CTNNA2: variants seen among roughly 807,000 people sequenced by gnomAD.
The protein encoded by CTNNA2 is catenin alpha-2.
CTNNA2 carries 42 observed loss-of-function variants against 101.0 expected under a neutral mutation model. The observed-to-expected ratio is 0.42, with a 90% CI of 0.32 to 0.54. The LOEUF (loss-of-function observed/expected upper bound fraction) is 0.54, where lower values mean the gene tolerates loss of function less well. Ranked by LOEUF, CTNNA2 falls within the 20% of genes least tolerant of loss-of-function variation. The pLI, the probability that CTNNA2 is intolerant of heterozygous loss-of-function variation, is 0.14. For synonymous variants in CTNNA2, 450 were observed against 456.4 expected, an observed-to-expected ratio of 0.99 and a Z score of 0.18; for missense variants, 871 against 1,223.1, an observed-to-expected ratio of 0.71 and a Z score of 4.29.
At chr2:80,285,100 G>A (rs1674653785) in intron 7 of CTNNA2, among the ~76,000 whole-genome samples, 1 of 152,026 alleles carries the variant, frequency 6.6e-6, no homozygotes, top group Non-Finnish European at 1.5e-5. Flanking sequence ...CCAAGTAGAT[G>A]TCCGTCCAGC....
chr2:79,780,994 G>C (rs532840343), intron 3 of CTNNA2, among the ~76,000 whole-genome samples: 1 of 152,268 alleles, frequency 6.6e-6, no homozygotes, highest in Non-Finnish European at 1.5e-5. Flanking sequence ...GAGGGTTCTT[G>C]GATCTCATGC....
chr2:80,618,942 C>A, intron 17 of CTNNA2, 143 bp from the exon 18 acceptor site: 1 of 479,030 alleles, frequency 2.1e-6, no homozygotes, highest in Non-Finnish European at 3.6e-6. Flanking sequence ...TCTCTTTCAG[C>A]ACGTAATTCC....
chr2:79,526,795 G>T (rs1265990418), intron 1 of CTNNA2, among the ~76,000 whole-genome samples: 1 of 151,978 alleles, frequency 6.6e-6, no homozygotes, highest in South Asian at 2.1e-4. Flanking sequence ...AGATGAATTT[G>T]GACCGCTTTC....
At chr2:79,204,013 G>A (rs17016546) in intron 2 of CTNNA2, among the ~76,000 whole-genome samples, 3,716 of 152,310 alleles carry the variant, frequency 0.024, 116 homozygotes, top group African/African-American at 0.078. Context: ...TGTAGGAACA[G>A]ATGATATTAA....
At chr2:80,095,363 A>C (rs2148827612) in intron 7 of CTNNA2, among the ~76,000 whole-genome samples, 1 of 152,298 alleles carries the variant, frequency 6.6e-6, no homozygotes, top group East Asian at 1.9e-4. Context: ...CCACTTGATC[A>C]TGGTGGATAA....
At chr2:80,161,083 C>T (rs932632336) in intron 7 of CTNNA2, among the ~76,000 whole-genome samples, 5 of 152,194 alleles carry the variant, frequency 3.3e-5, no homozygotes, top group Admixed American at 6.5e-5. Context: ...CTCTCTCTGT[C>T]GCAAAGACTG....
At chr2:79,798,992 G>A (rs1490166016) in intron 3 of CTNNA2, among the ~76,000 whole-genome samples, 2 of 152,104 alleles carry the variant, frequency 1.3e-5, no homozygotes, top group African/African-American at 2.4e-5. Flanking sequence ...GAAGAAAAGA[G>A]GATAAATTAT....
chr2:79,432,654 A>G (rs1486243655), intron 4 of CTNNA2, among the ~76,000 whole-genome samples: 3 of 152,176 alleles, frequency 2.0e-5, no homozygotes, highest in African/African-American at 7.2e-5. Flanking sequence ...ACATTTAAAG[A>G]TCAACTACCC....
At chr2:80,485,101 C>T (rs1686464701) in intron 9 of CTNNA2, among the ~76,000 whole-genome samples, 1 of 152,016 alleles carries the variant, frequency 6.6e-6, no homozygotes, top group Non-Finnish European at 1.5e-5. Context: ...TGTAAGTGTA[C>T]GTGTGTGTTG....
intron 7 of CTNNA2, among the ~76,000 whole-genome samples, chr2:80,014,862 T>C (rs1165701391): frequency 1.3e-5 from 2 of 152,248 alleles, no homozygotes; most frequent in Non-Finnish European, 2.9e-5. Context: ...AGCCAATGTG[T>C]ACATTCTTTT....
chr2:80,495,967 A>AAAAAAAAAAAAAAG (rs1236115589), intron 9 of CTNNA2, among the ~76,000 whole-genome samples: 1 of 139,070 alleles, frequency 7.2e-6, no homozygotes, highest in African/African-American at 2.8e-5. Flanking sequence ...AAAAAAAAAA[A>AAAAAAAAAAAAAAG]GGTGGCCATT....
At chr2:79,447,128 G>T (rs573493296) in intron 4 of CTNNA2, among the ~76,000 whole-genome samples, 3 of 152,046 alleles carry the variant, frequency 2.0e-5, no homozygotes, top group African/African-American at 4.8e-5. Flanking sequence ...TAGGAGCCCC[G>T]GGTGTGTGTC....
intron 3 of CTNNA2, among the ~76,000 whole-genome samples, chr2:79,852,748 C>A (rs1379751229): frequency 6.6e-6 from 1 of 152,048 alleles, no homozygotes; most frequent in Non-Finnish European, 1.5e-5. Context: ...CACACCACCA[C>A]GCCTAGCTAA....
chr2:80,060,306 A>C (rs1697493193), intron 7 of CTNNA2, among the ~76,000 whole-genome samples: 1 of 152,200 alleles, frequency 6.6e-6, no homozygotes, highest in African/African-American at 2.4e-5. Flanking sequence ...TAGATGGCTA[A>C]AGGCGGACAC....
At chr2:79,587,675 C>T (rs1474082427) in intron 1 of CTNNA2, among the ~76,000 whole-genome samples, 1 of 152,154 alleles carries the variant, frequency 6.6e-6, no homozygotes, top group African/African-American at 2.4e-5. Flanking sequence ...TTGCTTTCTA[C>T]ATCATGGCTC....
chr2:80,246,367 A>G (rs1671331795), intron 7 of CTNNA2, among the ~76,000 whole-genome samples: 1 of 152,208 alleles, frequency 6.6e-6, no homozygotes, highest in African/African-American at 2.4e-5. Flanking sequence ...TGCACATACA[A>G]TTGTATTGAT....
intron 7 of CTNNA2, among the ~76,000 whole-genome samples, chr2:79,939,711 G>T (rs1688021053): frequency 6.6e-6 from 1 of 152,090 alleles, no homozygotes; most frequent in Admixed American, 6.5e-5. Flanking sequence ...ATCAATGAAT[G>T]ATCTTACATA....
Position 80,326,861 on chromosome 2 carries a change from C to T in CTNNA2, c.1057-66350C>T, listed in dbSNP as rs557446173. On this transcript the variant is annotated intron_variant, in intron 7 of 18. Transcript: ENST00000402739. ...TCTCATACACTGTGATTTTTGGTCT[C>T]TCTGCTGTCTCTTCTCTTCCATCCC... 3.3e-5 allele frequency among the ~76,000 whole-genome samples: 5 copies of T among 152,220 alleles called. No individual in the cohort carries two copies. In the East Asian group the frequency reaches 9.7e-4, roughly 29 times the overall value.
intron 2 of CTNNA2, among the ~76,000 whole-genome samples, chr2:79,701,650 C>T (rs565514952): frequency 5.3e-5 from 8 of 152,208 alleles, no homozygotes; most frequent in Admixed American, 2.6e-4. Flanking sequence ...TGAGGGAGAC[C>T]GGAAGGCATC....
Sources: allele counts gnomAD v4.1 joint callset (sites outside exome capture counted in the v4.1 genomes callset), GRCh38; gene constraint gnomAD v4.1.1; transcripts MANE v1.5; gene names NCBI Gene and HGNC (gene_info 2026-07-23, HGNC 2026-07-21).